The following KLHL13 variants were observed in gnomAD, a reference collection of about 807,000 sequenced individuals.
KLHL13 encodes kelch-like protein 13.
In KLHL13, 10 loss-of-function variants were observed where a neutral mutation model predicts 37.1. That is an observed-to-expected ratio of 0.27 (90% CI 0.17 to 0.46). The LOEUF (loss-of-function observed/expected upper bound fraction) is 0.46, where lower values mean the gene tolerates loss of function less well. Ranked by LOEUF, KLHL13 falls within the 20% of genes least tolerant of loss-of-function variation. KLHL13 has a pLI of 1.00. For synonymous variants in KLHL13, 163 were observed against 181.2 expected (o/e 0.90, Z 0.81); for missense variants, 360 against 509.3 (o/e 0.71, Z 2.82).
In KLHL13 at chrX:118,053,372, C is replaced by T. The variant is rs777550514; in HGVS notation, c.-56+63136G>A. 9.8e-5 allele frequency among the ~76,000 whole-genome samples: 11 copies of T among 111,683 alleles called. No homozygotes were observed. In the South Asian group the frequency reaches 4.2e-3, roughly 42 times the overall value. ...GGATGAAACTGGAAACCATCATTCT[C>T]AGCAAACTATTGCAAGGACAAAAAA... is the stretch of plus-strand genomic sequence containing the variant. On this transcript the variant is annotated intron_variant, in intron 1 of 6. Transcript: ENST00000371882.
At chrX:117,964,476 T>C (rs1199422878) in intron 1 of KLHL13, among the ~76,000 whole-genome samples, 2 of 112,413 alleles carry the variant, frequency 1.8e-5, no homozygotes, top group African/African-American at 3.2e-5. Context: ...CTTTGAATGA[T>C]CACAAGGACT....
chrX:118,040,572 C>A (rs2054496620), intron 1 of KLHL13, among the ~76,000 whole-genome samples: 1 of 111,174 alleles, frequency 9.0e-6, no homozygotes, highest in Admixed American at 9.6e-5. Context: ...AAAATAGTCT[C>A]AAAAGGGCAA....
intron 1 of KLHL13, among the ~76,000 whole-genome samples, chrX:117,958,620 A>C (rs1310635572): frequency 1.8e-5 from 2 of 109,684 alleles, no homozygotes; most frequent in Non-Finnish European, 3.8e-5. Context: ...CAGGCACCAC[A>C]CTAGATGATA....
chrX:118,012,706 T>C (rs1283239203), intron 1 of KLHL13, among the ~76,000 whole-genome samples: 10 of 110,232 alleles, frequency 9.1e-5, no homozygotes, highest in Non-Finnish European at 1.9e-4. Flanking sequence ...GGGGGTATTC[T>C]GTCTACTGCT....
chrX:117,927,078 A>G (rs1932101644), intron 2 of KLHL13, among the ~76,000 whole-genome samples: 1 of 107,054 alleles, frequency 9.3e-6, no homozygotes, highest in Admixed American at 9.9e-5. Context: ...GCTAATTTGT[A>G]GTTTTAGTAA....
chrX:117,913,124 C>G, intron 4 of KLHL13, among the ~76,000 whole-genome samples: 1 of 111,402 alleles, frequency 9.0e-6, no homozygotes. Context: ...TAGACCAAAA[C>G]TGATGGAATT....
chrX:118,089,237 A>G (rs191309821), intron 1 of KLHL13, among the ~76,000 whole-genome samples: 24 of 110,878 alleles, frequency 2.2e-4, no homozygotes, highest in Admixed American at 2.0e-3. Flanking sequence ...GGCCCAGTGG[A>G]GAGCCAGGAC....
chrX:118,018,984 G>A (rs773649140), intron 1 of KLHL13, among the ~76,000 whole-genome samples: 2 of 111,069 alleles, frequency 1.8e-5, no homozygotes, highest in East Asian at 5.6e-4. Context: ...GGTACACATA[G>A]ACAGAGTGAA....
At chrX:118,085,644 AC>A (rs1208884179) in intron 1 of KLHL13, among the ~76,000 whole-genome samples, 1 of 110,000 alleles carries the variant, frequency 9.1e-6, no homozygotes, top group East Asian at 2.9e-4. Context: ...GCTTTTGAAT[AC>A]CCCTAGCTTA....
chrX:117,951,821 T>C (rs1933623112), intron 1 of KLHL13, among the ~76,000 whole-genome samples: 1 of 112,348 alleles, frequency 8.9e-6, no homozygotes, highest in Non-Finnish European at 1.9e-5. Context: ...TATTTAATCC[T>C]TGTAATAACT....
intron 1 of KLHL13, among the ~76,000 whole-genome samples, chrX:118,015,875 T>G (rs2054122719): frequency 9.0e-6 from 1 of 111,437 alleles, no homozygotes; most frequent in Non-Finnish European, 1.9e-5. Context: ...CTTATTATTT[T>G]TATTGGCTAG....
chrX:118,037,167 A>C (rs1366672828), intron 1 of KLHL13, among the ~76,000 whole-genome samples: 2 of 90,111 alleles, frequency 2.2e-5, no homozygotes, highest in Admixed American at 2.6e-4. Flanking sequence ...TAGTTCAACC[A>C]TTGTGGAAGT....
chrX:118,004,967 G>A (rs1239538900), intron 1 of KLHL13, among the ~76,000 whole-genome samples: 1 of 112,131 alleles, frequency 8.9e-6, no homozygotes, highest in Non-Finnish European at 1.9e-5. Flanking sequence ...ATCTTCAAAA[G>A]TGTCAAGGTC....
rs1272280854 is a variant in KLHL13 at position 118,094,965 on chromosome X, G to C, written c.-56+21543C>G. On this transcript the variant is annotated intron_variant, in intron 1 of 6. Coordinates refer to the KLHL13 transcript ENST00000371882. ...CAAATTGTAAAGACCATCAAGGCTA[G>C]GAAGAAACTGCATCTACTAACGAGC... Among the ~76,000 whole-genome samples the C allele has an allele frequency of 3.6e-5, 4 of 111,466 alleles. No homozygotes were observed. The South Asian group carries it at 1.1e-3, about 32-fold the overall frequency.
intron 1 of KLHL13, among the ~76,000 whole-genome samples, chrX:118,092,631 A>C (rs916271578): frequency 8.9e-6 from 1 of 111,883 alleles, no homozygotes; most frequent in African/African-American, 3.2e-5. Context: ...GGTAAGCAAA[A>C]TATGTGTCAA....
intron 1 of KLHL13, among the ~76,000 whole-genome samples, chrX:118,085,799 GT>G (rs1569312671): frequency 5.6e-5 from 3 of 53,125 alleles, no homozygotes; most frequent in African/African-American, 5.3e-4. Context: ...ATTCCATGGT[GT>G]GTGTGTGTGT....
intron 5 of KLHL13, among the ~76,000 whole-genome samples, chrX:117,903,511 G>GT (rs201860376): frequency 0.06 from 6,563 of 108,884 alleles, 187 homozygotes; most frequent in Middle Eastern, 0.12. Flanking sequence ...CAGTACTGTT[G>GT]TTTTTTTTTA....
At chrX:117,949,278 T>C (rs1197090472) in intron 1 of KLHL13, among the ~76,000 whole-genome samples, 2 of 112,085 alleles carry the variant, frequency 1.8e-5, no homozygotes, top group Admixed American at 1.9e-4. Context: ...TCCAAATGGA[T>C]TTTTTCAAAG....
intron 2 of KLHL13, among the ~76,000 whole-genome samples, chrX:117,930,237 GAA>G (rs1491520930): frequency 4.0e-4 from 34 of 85,898 alleles, no homozygotes; most frequent in African/African-American, 8.7e-4. Context: ...AGGAAGGAAG[GAA>G]GGGAGGAAGG....
Sources: allele counts gnomAD v4.1 joint callset (sites outside exome capture counted in the v4.1 genomes callset), GRCh38; gene constraint gnomAD v4.1.1; transcripts MANE v1.5; gene names NCBI Gene and HGNC (gene_info 2026-07-23, HGNC 2026-07-21).